The following SLC25A48 variants were observed in gnomAD, a reference collection of about 807,000 sequenced individuals.
The protein encoded by SLC25A48 is solute carrier family 25 member 48, also known as CTC-321K16.1.
Under a neutral mutation model 32.2 loss-of-function variants are expected in SLC25A48, and 29 were observed. That is an observed-to-expected ratio of 0.90 (90% CI 0.67 to 1.23). The LOEUF is 1.23. Ranked by LOEUF, SLC25A48 falls within the 50% of genes most tolerant of loss-of-function variation. SLC25A48 has a pLI of 0.00. For missense variants in SLC25A48, 399 were observed against 422.7 expected (o/e 0.94, Z 0.49); for synonymous variants, 164 against 172.3 (o/e 0.95, Z 0.38).
chr5:135,887,896 C>T, intron 7 of SLC25A48, 136 bp from the exon 8 acceptor site: 1 of 784,374 alleles, frequency 1.3e-6, no homozygotes, highest in South Asian at 1.8e-5. Flanking sequence ...CCACAAGAAT[C>T]AAGTGCAAAA....
exon 4 of SLC25A48, chr5:135,812,692 G>A (rs1471083448): frequency 1.3e-5 from 2 of 152,370 alleles, no homozygotes; most frequent in South Asian, 2.1e-4. Context: ...CGGGGTCCAA[G>A]GGCTCCTGGA....
At chr5:135,873,002 A>T (rs997799181) in intron 5 of SLC25A48, among the ~76,000 whole-genome samples, 4 of 152,198 alleles carry the variant, frequency 2.6e-5, no homozygotes, top group Non-Finnish European at 4.4e-5. Flanking sequence ...TTTTGCAGAG[A>T]GCAGGTGTGA....
intron 1 of SLC25A48, among the ~76,000 whole-genome samples, chr5:135,837,137 G>C (rs1758604845): frequency 6.6e-6 from 1 of 152,016 alleles, no homozygotes; most frequent in Admixed American, 6.6e-5. Flanking sequence ...CCCAAGGCTG[G>C]ATCTAAGCCT....
chr5:135,791,123 C>T (rs775042547), intron 3 of SLC25A48, among the ~76,000 whole-genome samples: 3 of 151,626 alleles, frequency 2.0e-5, no homozygotes, highest in African/African-American at 2.4e-5. Context: ...TGTGTACAAC[C>T]TGTGATACTG....
At chr5:135,838,652 T>C (rs898704275) in intron 1 of SLC25A48, among the ~76,000 whole-genome samples, 3 of 152,266 alleles carry the variant, frequency 2.0e-5, no homozygotes, top group African/African-American at 7.2e-5. Context: ...ACTTCAGCCA[T>C]GGCTGAAAGG....
chr5:135,624,054 G>T (rs951378285), intron 1 of SLC25A48, among the ~76,000 whole-genome samples: 3 of 152,176 alleles, frequency 2.0e-5, no homozygotes, highest in Non-Finnish European at 4.4e-5. Context: ...GGTGGGAGCG[G>T]GGGGTTGGTG....
At chr5:135,657,076 T>C (rs1297687652) in intron 3 of SLC25A48, among the ~76,000 whole-genome samples, 1 of 152,176 alleles carries the variant, frequency 6.6e-6, no homozygotes, top group African/African-American at 2.4e-5. Context: ...AATGGGCATC[T>C]GAATGGGCAC....
In SLC25A48 at chr5:135,886,636, T is replaced by TATATATATAA. The variant is rs1554088462; in HGVS notation, c.*8-1395_*8-1394insTATATATAAA. Among the ~76,000 whole-genome samples the TATATATATAA allele has an allele frequency of 1.7e-4, 5 of 30,134 alleles. 1 individual carries two copies. The highest frequency in any genetic ancestry group is 1.2e-3 in the South Asian group (1 of 836). The allele number at this position is 30,134 out of a possible 152,430, so 19.8% of individuals were successfully genotyped here. A position where few individuals can be genotyped will look rare whatever the true frequency, so the allele number is the denominator to read the frequency against. ...ATATATATATATATATATATATATATAAAATATATATATGTGTGTGTGTGT... is the reference window on the plus strand; with the variant it reads ...ATATATATATATATATATATATATATATATATATAAAAAATATATATATGTGTGTGTGTGT... On this transcript the variant is annotated intron_variant, in intron 7 of 7. Coordinates refer to ENST00000681962, the MANE Select transcript of SLC25A48 (RefSeq NM_001349336.2).
intron 3 of SLC25A48, among the ~76,000 whole-genome samples, chr5:135,808,819 G>T (rs1269064435): frequency 6.6e-6 from 1 of 152,156 alleles, no homozygotes; most frequent in Non-Finnish European, 1.5e-5. Flanking sequence ...GATTTTAGGT[G>T]ATTGGGTGGA....
chr5:135,830,301 G>A (rs1203428213), upstream of SLC25A48, among the ~76,000 whole-genome samples: 2 of 152,206 alleles, frequency 1.3e-5, no homozygotes, highest in Non-Finnish European at 2.9e-5. Flanking sequence ...ATCTTGATGA[G>A]ACCTCCGCAG....
intron 1 of SLC25A48, among the ~76,000 whole-genome samples, chr5:135,591,471 G>A (rs1751526044): frequency 6.6e-6 from 1 of 152,286 alleles, no homozygotes; most frequent in South Asian, 2.1e-4. Flanking sequence ...GCTGCCTTCT[G>A]GGCCCACCTC....
At chr5:135,747,296 C>A (rs1478679620) in intron 3 of SLC25A48, among the ~76,000 whole-genome samples, 3 of 148,822 alleles carry the variant, frequency 2.0e-5, no homozygotes, top group Non-Finnish European at 4.4e-5. Flanking sequence ...AGTTATATAC[C>A]CTCTCTTTTT....
chr5:135,708,281 A>G (rs1245994404), intron 3 of SLC25A48, among the ~76,000 whole-genome samples: 1 of 152,194 alleles, frequency 6.6e-6, no homozygotes, highest in African/African-American at 2.4e-5. Context: ...TTGTTCATCT[A>G]TTCTACACCC....
Position 135,750,623 on chromosome 5 carries a change from G to C in SLC25A48, c.-520-61900G>C, listed in dbSNP as rs151054191. 2.6e-5 allele frequency among the ~76,000 whole-genome samples: 4 copies of C among 152,200 alleles called. No individual in the cohort carries two copies. The East Asian group carries it at 7.7e-4, about 29-fold the overall frequency. ...GGGTGGCATACCTATACAGGGATGGGGGGCAATGTTGTCCATAGAGATGCC... is the reference window on the plus strand; with the variant it reads ...GGGTGGCATACCTATACAGGGATGGCGGGCAATGTTGTCCATAGAGATGCC... On this transcript the variant is annotated intron_variant, in intron 3 of 10. Transcript: ENST00000646290.
intron 3 of SLC25A48, among the ~76,000 whole-genome samples, chr5:135,682,162 G>T (rs1057090325): frequency 6.6e-6 from 1 of 152,124 alleles, no homozygotes; most frequent in African/African-American, 2.4e-5. Context: ...TGTCTGCTAT[G>T]GCCTGGAAAC....
chr5:135,808,891 T>C (rs566211335), intron 3 of SLC25A48, among the ~76,000 whole-genome samples: 2 of 152,310 alleles, frequency 1.3e-5, no homozygotes, highest in Admixed American at 1.3e-4. Flanking sequence ...TTAATCTCTT[T>C]CCCGTTTCAA....
intron 3 of SLC25A48, among the ~76,000 whole-genome samples, chr5:135,789,938 T>G (rs1756981820): frequency 6.6e-6 from 1 of 151,912 alleles, no homozygotes; most frequent in East Asian, 1.9e-4. Context: ...TTTCTCAAGG[T>G]GTACACTCAC....
chr5:135,742,180 A>G (rs139368181), intron 3 of SLC25A48, among the ~76,000 whole-genome samples: 4 of 152,278 alleles, frequency 2.6e-5, no homozygotes, highest in Non-Finnish European at 4.4e-5. Flanking sequence ...CCTGGGCTCC[A>G]GTGATTCTCA....
intron 1 of SLC25A48, among the ~76,000 whole-genome samples, chr5:135,627,170 G>T (rs145363762): frequency 3.1e-4 from 47 of 152,290 alleles, no homozygotes; most frequent in Non-Finnish European, 5.0e-4. Context: ...GCCCCATGGG[G>T]TGGCTGACTG....
Sources: gnomAD v4.1 joint callset for allele counts (sites outside exome capture counted in the v4.1 genomes callset) on GRCh38, gnomAD v4.1.1 for gene constraint, MANE v1.5 for transcripts, NCBI Gene and HGNC (gene_info 2026-07-23, HGNC 2026-07-21) for gene names.